Variants in RNGTT observed in about 807,000 individuals in gnomAD.
RNGTT encodes mRNA-capping enzyme.
A neutral mutation model predicts 79.3 loss-of-function variants in RNGTT; 33 were observed. The observed-to-expected ratio is 0.42, with a 90% CI of 0.32 to 0.56. The LOEUF (loss-of-function observed/expected upper bound fraction) is 0.56, where lower values mean the gene tolerates loss of function less well. RNGTT is among the 20% of genes least tolerant of loss of function. RNGTT has a pLI of 0.17. For synonymous variants in RNGTT, 222 were observed against 235.9 expected, an observed-to-expected ratio of 0.94 and a Z score of 0.54; for missense variants, 497 against 739.1, an observed-to-expected ratio of 0.67 and a Z score of 3.80.
Position 88,731,583 on chromosome 6 carries a change from T to C in RNGTT, c.1439+38191A>G, listed in dbSNP as rs564556762. Among the ~76,000 whole-genome samples, 10 of 152,196 alleles carry C rather than the reference T, an allele frequency of 6.6e-5. No homozygotes were observed. In the East Asian group the frequency reaches 1.7e-3, roughly 26 times the overall value. ...TCTAAGAATGAATGAAAAGAAAATATACAACAATAAAAAATAAACAAACTG... is the reference window on the plus strand; with the variant it reads ...TCTAAGAATGAATGAAAAGAAAATACACAACAATAAAAAATAAACAAACTG... On this transcript the variant is annotated intron_variant, in intron 13 of 15. Transcript: ENST00000369485.
intron 8 of RNGTT, among the ~76,000 whole-genome samples, chr6:88,883,058 C>G (rs1457860590): frequency 2.0e-5 from 3 of 150,448 alleles, no homozygotes; most frequent in Non-Finnish European, 4.4e-5. Context: ...GATTTCAGCT[C>G]TAGAAGACTG....
At chr6:88,876,937 C>A (rs994400053) in intron 8 of RNGTT, among the ~76,000 whole-genome samples, 3 of 152,070 alleles carry the variant, frequency 2.0e-5, no homozygotes, top group Non-Finnish European at 2.9e-5. Flanking sequence ...TTTTTAAATA[C>A]CATTTCAAAG....
At chr6:88,881,919 C>A (rs13209883) in intron 8 of RNGTT, among the ~76,000 whole-genome samples, 4,282 of 152,316 alleles carry the variant, frequency 0.028, 80 homozygotes, top group Middle Eastern at 0.082. Context: ...CACTCCTTAG[C>A]TTACTAATTC....
chr6:88,667,058 C>T (rs1303446557), intron 14 of RNGTT, among the ~76,000 whole-genome samples: 5 of 152,292 alleles, frequency 3.3e-5, no homozygotes, highest in African/African-American at 9.6e-5. Context: ...TAAAGGACAT[C>T]AGTGAGTCAC....
intron 13 of RNGTT, among the ~76,000 whole-genome samples, chr6:88,765,807 C>A (rs1285020506): frequency 6.6e-6 from 1 of 152,084 alleles, no homozygotes; most frequent in South Asian, 2.1e-4. Context: ...TTACAAAAAC[C>A]TCTATAATGA....
chr6:88,874,562 T>A (rs1482822297), intron 8 of RNGTT, among the ~76,000 whole-genome samples: 1 of 152,112 alleles, frequency 6.6e-6, no homozygotes, highest in African/African-American at 2.4e-5. Context: ...TTTTTCCCCT[T>A]TTTTATCCAA....
chr6:88,897,166 G>A lies in RNGTT; in HGVS notation c.685-5251C>T, dbSNP rs551543237. ...TCATCCTGACCTTACTTCCTATTCA[G>A]CCTAGAACCTATGGCTGATTACTTC... is the stretch of plus-strand genomic sequence containing the variant. On this transcript the variant is annotated intron_variant, in intron 6 of 15. Transcript: ENST00000369485. Among the ~76,000 whole-genome samples the A allele has an allele frequency of 1.4e-4, 22 of 152,018 alleles. No individual in the cohort carries two copies. In the South Asian group the frequency reaches 4.0e-3, roughly 27 times the overall value.
At position 88,908,431 on chromosome 6, in the gene RNGTT, G is replaced by A. The variant is rs538622864; in HGVS notation, c.368-1991C>T. Among the ~76,000 whole-genome samples the A allele has an allele frequency of 1.3e-4, 20 of 152,254 alleles. No individual in the cohort carries two copies. In the South Asian group the frequency reaches 3.9e-3, roughly 30 times the overall value. On this transcript the variant is annotated intron_variant, in intron 4 of 15. Coordinates refer to ENST00000369485, the MANE Select transcript of RNGTT (RefSeq NM_003800.5). Reference sequence around the variant, plus strand: ...CCAAAACTTGACAATACAAAATCCTGCAACTTTGAACAGATCTTTTGAGAG... The same window carrying A: ...CCAAAACTTGACAATACAAAATCCTACAACTTTGAACAGATCTTTTGAGAG...
At chr6:88,952,495 G>A (rs1331364852) in intron 1 of RNGTT, among the ~76,000 whole-genome samples, 1 of 152,220 alleles carries the variant, frequency 6.6e-6, no homozygotes, top group Non-Finnish European at 1.5e-5. Context: ...CCTCCTGGCT[G>A]AAAGCCAACT....
intron 11 of RNGTT, among the ~76,000 whole-genome samples, chr6:88,823,573 G>C (rs930394996): frequency 6.6e-6 from 1 of 151,864 alleles, no homozygotes; most frequent in Non-Finnish European, 1.5e-5. Context: ...ACAAAATAAA[G>C]AGATAAACCC....
At chr6:88,675,704 A>AC (rs1327399707) in intron 14 of RNGTT, among the ~76,000 whole-genome samples, 4 of 110,914 alleles carry the variant, frequency 3.6e-5, no homozygotes, top group African/African-American at 1.6e-4. Flanking sequence ...ATACATGAAA[A>AC]GAAAAAAAAA....
rs755884497 is a variant in RNGTT at position 88,630,932 on chromosome 6, C to T, written c.1507-16537G>A. ...TTCAAAAGCACTTCAATTGAACATA[C>T]ATTTGTGATTGCAAGTAATGTCTAT... On this transcript the variant is annotated intron_variant, in intron 14 of 15. Transcript: ENST00000369485. 3.6e-4 allele frequency among the ~76,000 whole-genome samples: 54 copies of T among 152,112 alleles called. 1 individual carries two copies. The highest frequency in any genetic ancestry group is 6.0e-4 in the Non-Finnish European group (41 of 68,016).
intron 13 of RNGTT, among the ~76,000 whole-genome samples, chr6:88,733,690 C>G (rs572285439): frequency 1.3e-5 from 2 of 151,372 alleles, no homozygotes; most frequent in Non-Finnish European, 2.9e-5. Context: ...AAAGAGAAAA[C>G]CTTAAAGGAA....
At chr6:88,849,626 A>T (rs1320379518) in intron 10 of RNGTT, 129 bp downstream of exon 10, 6 of 686,900 alleles carry the variant, frequency 8.7e-6, no homozygotes, top group Admixed American at 4.4e-5. Flanking sequence ...TAAAAAAAAG[A>T]TTCCCAGTGA....
chr6:88,935,766 T>C (rs1784647563), intron 2 of RNGTT, among the ~76,000 whole-genome samples: 1 of 152,192 alleles, frequency 6.6e-6, no homozygotes. Context: ...TAGTTTTCCT[T>C]GCAGAGATCT....
chr6:88,686,788 T>C (rs548108587), intron 13 of RNGTT, among the ~76,000 whole-genome samples: 8 of 152,254 alleles, frequency 5.3e-5, no homozygotes, highest in South Asian at 2.1e-4. Context: ...AATTTATGTT[T>C]ATCAAGAGAT....
intron 4 of RNGTT, among the ~76,000 whole-genome samples, chr6:88,907,018 T>C (rs78325165): frequency 0.022 from 3,329 of 152,270 alleles, 121 homozygotes; most frequent in African/African-American, 0.076. Flanking sequence ...CTGATAGATA[T>C]ATAGTACAAT....
intron 11 of RNGTT, among the ~76,000 whole-genome samples, chr6:88,821,017 G>C (rs900031362): frequency 1.9e-4 from 29 of 152,028 alleles, no homozygotes; most frequent in African/African-American, 7.0e-4. Flanking sequence ...TGAAGGAGAA[G>C]AATAAGAGCA....
chr6:88,650,136 G>A (rs537925663), intron 14 of RNGTT, among the ~76,000 whole-genome samples: 1 of 152,236 alleles, frequency 6.6e-6, no homozygotes, highest in Non-Finnish European at 1.5e-5. Context: ...GCATGGAAGA[G>A]TTCATCACTA....
Sources: allele counts gnomAD v4.1 joint callset (sites outside exome capture counted in the v4.1 genomes callset), GRCh38; gene constraint gnomAD v4.1.1; transcripts MANE v1.5; gene names NCBI Gene and HGNC (gene_info 2026-07-23, HGNC 2026-07-21).